PHTF2: variants seen among roughly 807,000 people sequenced by gnomAD.
The protein encoded by PHTF2 is protein PHTF2.
In PHTF2, 60 loss-of-function variants were observed where a neutral mutation model predicts 101.2. The ratio of observed to expected loss-of-function variants is 0.59; its 90% CI spans 0.48 to 0.73. PHTF2 has a LOEUF of 0.73. Among genes scored for constraint, PHTF2 ranks in the 30% least tolerant of loss-of-function variants. The pLI is 0.00. For missense variants in PHTF2, 747 were observed against 908.7 expected (o/e 0.82, Z 2.29); for synonymous variants, 311 against 307.3 (o/e 1.01, Z -0.13).
chr7:77,952,656 A>C (rs1806651747), intron 18 of PHTF2, among the ~76,000 whole-genome samples: 1 of 152,232 alleles, frequency 6.6e-6, no homozygotes, highest in African/African-American at 2.4e-5. Context: ...CTATCTTCAG[A>C]GTGTAGGCAC....
At chr7:77,853,596 G>A (rs1796938294) in intron 2 of PHTF2, among the ~76,000 whole-genome samples, 1 of 152,010 alleles carries the variant, frequency 6.6e-6, no homozygotes, top group African/African-American at 2.4e-5. Flanking sequence ...GTTTCAACAT[G>A]TTGCCCCGGC....
chr7:77,952,245 TTA>T (rs1806614420), intron 18 of PHTF2, among the ~76,000 whole-genome samples: 2 of 152,170 alleles, frequency 1.3e-5, no homozygotes, highest in African/African-American at 4.8e-5. Context: ...ACAATATTCA[TTA>T]TGTTTTTAGT....
intron 3 of PHTF2, among the ~76,000 whole-genome samples, chr7:77,890,437 G>A (rs753378003): frequency 5.3e-5 from 8 of 152,058 alleles, no homozygotes; most frequent in African/African-American, 1.2e-4. Flanking sequence ...TTCTTGAGTC[G>A]CCTAGAAATA....
intron 9 of PHTF2, among the ~76,000 whole-genome samples, chr7:77,915,379 T>C (rs1350743155): frequency 1.3e-5 from 2 of 151,892 alleles, no homozygotes; most frequent in Non-Finnish European, 2.9e-5. Flanking sequence ...GCCCAGCTAA[T>C]TTTTGTATTT....
intron 11 of PHTF2, chr7:77,923,019 G>T (rs1803629971): frequency 8.6e-7 from 1 of 1,157,664 alleles, no homozygotes. Flanking sequence ...CTCATACATT[G>T]TTTGTTGTTT....
chr7:77,925,492 AG>A (rs1803879282), intron 11 of PHTF2, among the ~76,000 whole-genome samples: 1 of 81,646 alleles, frequency 1.2e-5, no homozygotes, highest in Non-Finnish European at 2.5e-5. Flanking sequence ...AATAGTTTTT[AG>A]GGTTTTTTTT....
At chr7:77,903,791 T>C (rs918658318) in intron 7 of PHTF2, among the ~76,000 whole-genome samples, 4 of 152,226 alleles carry the variant, frequency 2.6e-5, no homozygotes, top group South Asian at 2.1e-4. Flanking sequence ...AACCACTGTA[T>C]GTCTGTCTCC....
chr7:77,848,438 T>C (rs1217465980), intron 2 of PHTF2, among the ~76,000 whole-genome samples: 3 of 152,228 alleles, frequency 2.0e-5, no homozygotes, highest in Non-Finnish European at 4.4e-5. Flanking sequence ...GTAGTTTTGA[T>C]TTGCATTTCT....
At chr7:77,848,196 C>T (rs757677074) in intron 2 of PHTF2, among the ~76,000 whole-genome samples, 1 of 152,084 alleles carries the variant, frequency 6.6e-6, no homozygotes, top group Non-Finnish European at 1.5e-5. Context: ...CTTCAGTATA[C>T]TAATTTCCTA....
At chr7:77,895,214 A>G (rs756447644) in intron 5 of PHTF2, 3 of 449,128 alleles carry the variant, frequency 6.7e-6, no homozygotes, top group South Asian at 3.2e-5. Flanking sequence ...TGTATGTGAT[A>G]CATACATACA....
chr7:77,832,988 T>A (rs1389043735), intron 1 of PHTF2, among the ~76,000 whole-genome samples: 1 of 151,808 alleles, frequency 6.6e-6, no homozygotes, highest in Non-Finnish European at 1.5e-5. Flanking sequence ...AATAATAAAA[T>A]AGGACAATCG....
intron 2 of PHTF2, among the ~76,000 whole-genome samples, chr7:77,850,802 A>G (rs999557849): frequency 6.6e-6 from 1 of 152,140 alleles, no homozygotes; most frequent in Non-Finnish European, 1.5e-5. Context: ...TGCATCCATC[A>G]TATATGGCTT....
intron 1 of PHTF2, among the ~76,000 whole-genome samples, chr7:77,810,526 A>G (rs1331066319): frequency 1.3e-5 from 2 of 152,144 alleles, no homozygotes; most frequent in Admixed American, 6.6e-5. Context: ...GTTATTTTGT[A>G]GAGTGACCTC....
intron 18 of PHTF2, among the ~76,000 whole-genome samples, 200 bp downstream of exon 17, chr7:77,951,912 G>A (rs1271927157): frequency 6.6e-6 from 1 of 151,800 alleles, no homozygotes; most frequent in African/African-American, 2.4e-5. Context: ...TAATTTCTTT[G>A]GAAATTGTAT....
chr7:77,894,018 C>G, intron 5 of PHTF2, 25 bp downstream of exon 4: 1 of 1,538,356 alleles, frequency 6.5e-7, no homozygotes, highest in Non-Finnish European at 9.0e-7. Context: ...ATTTTTCCCG[C>G]CTGAGTGATC....
chr7:77,940,341 C>T lies in PHTF2; in HGVS notation c.1740+39C>T, dbSNP rs758555294. On this transcript the variant is annotated intron_variant, in intron 14 of 19. Transcript: ENST00000416283. ...AGACTTCCGAATAAGAATATTTTATCGTTTTCATAATATTAAAAGTATTCC... is the reference window on the plus strand; with the variant it reads ...AGACTTCCGAATAAGAATATTTTATTGTTTTCATAATATTAAAAGTATTCC... 14 of 1,499,310 alleles carry T rather than the reference C, an allele frequency of 9.3e-6. No homozygotes were observed. The Admixed American group carries it at 2.4e-4, about 26-fold the overall frequency. 92.9% of individuals were successfully genotyped at this position (1,499,310 alleles called of 1,614,324 possible).
At chr7:77,948,781 TAAC>T (rs1237790770) in intron 16 of PHTF2, among the ~76,000 whole-genome samples, 1 of 152,120 alleles carries the variant, frequency 6.6e-6, no homozygotes, top group Non-Finnish European at 1.5e-5. Flanking sequence ...AGTTAGATAA[TAAC>T]AAGTATGAAT....
chr7:77,889,816 G>A (rs1800216216), intron 3 of PHTF2, among the ~76,000 whole-genome samples: 1 of 151,922 alleles, frequency 6.6e-6, no homozygotes, highest in Admixed American at 6.6e-5. Flanking sequence ...GGCCAGGATG[G>A]TCTCCATCTC....
chr7:77,823,358 C>G (rs1392635966), intron 1 of PHTF2, among the ~76,000 whole-genome samples: 1 of 151,996 alleles, frequency 6.6e-6, no homozygotes, highest in Non-Finnish European at 1.5e-5. Flanking sequence ...GTAGTTGGGA[C>G]TACAGGCACA....
Sources: allele counts gnomAD v4.1 joint callset (sites outside exome capture counted in the v4.1 genomes callset), GRCh38; gene constraint gnomAD v4.1.1; transcripts MANE v1.5; gene names NCBI Gene and HGNC (gene_info 2026-07-23, HGNC 2026-07-21).